Variants in ABHD12 observed in about 807,000 individuals in gnomAD.
The protein encoded by ABHD12 is lysophosphatidylserine lipase ABHD12.
A neutral mutation model predicts 58.3 loss-of-function variants in ABHD12; 43 were observed. The ratio of observed to expected loss-of-function variants is 0.74; its 90% CI spans 0.58 to 0.95. ABHD12 has a LOEUF of 0.95. Ranked by LOEUF, ABHD12 falls within the 40% of genes least tolerant of loss-of-function variation. The pLI, the probability that ABHD12 is intolerant of heterozygous loss-of-function variation, is 0.00. For missense variants in ABHD12, 539 were observed against 537.2 expected, an observed-to-expected ratio of 1.00 and a Z score of -0.03; for synonymous variants, 219 against 211.2, an observed-to-expected ratio of 1.04 and a Z score of -0.32.
chr20:25,360,402 G>A (rs1378688596), intron 1 of ABHD12, among the ~76,000 whole-genome samples: 5 of 151,288 alleles, frequency 3.3e-5, no homozygotes, highest in Admixed American at 1.3e-4. Context: ...CACCACGCCC[G>A]ACTAATTTTT....
intron 1 of ABHD12, among the ~76,000 whole-genome samples, chr20:25,351,760 G>A (rs1188568583): frequency 6.6e-6 from 1 of 152,076 alleles, no homozygotes. Context: ...AATTAGCAGG[G>A]GGTGGTGGCA....
At chr20:25,375,650 G>T (rs1171793850) in intron 1 of ABHD12, among the ~76,000 whole-genome samples, 1 of 152,156 alleles carries the variant, frequency 6.6e-6, no homozygotes, top group African/African-American at 2.4e-5. Context: ...GGGTACTGTA[G>T]GGCTCACTTC....
chr20:25,344,737 T>C (rs1430081255), intron 1 of ABHD12, among the ~76,000 whole-genome samples: 1 of 152,218 alleles, frequency 6.6e-6, no homozygotes, highest in African/African-American at 2.4e-5. Context: ...CTTGGAGGAC[T>C]GACACAAGCT....
Position 25,309,590 on chromosome 20 carries a change from C to T in ABHD12, c.620-15G>A, listed in dbSNP as rs1048603730. On this transcript the variant is annotated splice_polypyrimidine_tract_variant and intron_variant, in intron 6 of 12. Coordinates refer to ENST00000339157, the MANE Select transcript of ABHD12 (RefSeq NM_001042472.3). ...GTCACCCCAACCTGGGAGGGAGAAA[C>T]GGCAGGACGGGGAGGTCAAAGGCAG... 18 of 1,613,720 alleles carry T rather than the reference C, an allele frequency of 1.1e-5. No homozygotes were observed. The highest frequency in any genetic ancestry group is 6.7e-5 in the Admixed American group (4 of 60,002).
chr20:25,354,544 G>C (rs2089643476), intron 1 of ABHD12, among the ~76,000 whole-genome samples: 1 of 152,198 alleles, frequency 6.6e-6, no homozygotes, highest in African/African-American at 2.4e-5. Context: ...CAGATGAAAA[G>C]CTGAGGCTTG....
intron 1 of ABHD12, among the ~76,000 whole-genome samples, chr20:25,341,446 T>C (rs990779825): frequency 1.3e-5 from 2 of 152,202 alleles, no homozygotes; most frequent in Non-Finnish European, 2.9e-5. Context: ...TTAATCACAA[T>C]ATTGAGGTTC....
chr20:25,325,606 C>A (rs986601383), intron 2 of ABHD12, among the ~76,000 whole-genome samples: 12 of 152,136 alleles, frequency 7.9e-5, no homozygotes, highest in Non-Finnish European at 1.8e-4. Context: ...GGAAGCTTCT[C>A]CAAGCCGGGA....
intron 9 of ABHD12, 67 bp downstream of exon 9, chr20:25,307,899 G>A (rs143805685): frequency 2.0e-5 from 15 of 752,016 alleles, no homozygotes; most frequent in African/African-American, 1.1e-4. Context: ...AATGTATCCT[G>A]TAATTAGTTA....
intron 1 of ABHD12, among the ~76,000 whole-genome samples, chr20:25,341,125 G>T (rs1279414228): frequency 3.3e-5 from 5 of 152,214 alleles, no homozygotes; most frequent in Admixed American, 2.6e-4. Context: ...ATCATCGAGC[G>T]CCTGGCACTC....
rs2089894237 is a variant in ABHD12 at position 25,371,070 on chromosome 20, GA to G, written c.191+19442del. ...ATCATGAGCAAGCTGCAACTTACCA[GA>G]AGCTATTTCTGAAAGACACTGGGGA... On this transcript the variant is annotated intron_variant, in intron 1 of 12. Coordinates refer to ENST00000339157, the MANE Select transcript of ABHD12 (RefSeq NM_001042472.3). 1.3e-5 allele frequency among the ~76,000 whole-genome samples: 2 copies of G among 152,078 alleles called. 1 individual carries two copies. The highest frequency in any genetic ancestry group is 1.3e-4 in the Admixed American group (2 of 15,270).
chr20:25,387,858 T>C (rs1040831913), intron 1 of ABHD12, among the ~76,000 whole-genome samples: 1 of 151,880 alleles, frequency 6.6e-6, no homozygotes, highest in East Asian at 1.9e-4. Context: ...CTGGCCAACA[T>C]GGTGAAACCC....
chr20:25,390,477 G>GGGGGCCCCC lies in ABHD12; in HGVS notation c.191+35_191+36insGGGGGCCCC. ...CGCACCTGCGCAAAGTGAGGGACCG[G>GGGGGCCCCC]CCCCCCCCCCCCCCCCGCTCCGCGC... On this transcript the variant is annotated intron_variant, in intron 1 of 12. Transcript: ENST00000339157. The GGGGGCCCCC allele has an allele frequency of 1.9e-4, 20 of 102,824 alleles. No homozygotes were observed. In the East Asian group the frequency reaches 3.5e-3, roughly 18 times the overall value. The allele number at this position is 102,824 out of a possible 1,614,324, so 6.4% of individuals were successfully genotyped here.
intron 12 of ABHD12, chr20:25,295,033 G>C: frequency 6.2e-7 from 1 of 1,614,208 alleles, no homozygotes; most frequent in Non-Finnish European, 8.5e-7. Context: ...GCTGAGGTCT[G>C]TGATAAAGGA....
In ABHD12 at chr20:25,341,639, A is replaced by G. The variant is rs912094351; in HGVS notation, c.192-2288T>C. On this transcript the variant is annotated intron_variant, in intron 1 of 12. Coordinates refer to ENST00000339157, the MANE Select transcript of ABHD12 (RefSeq NM_001042472.3). ...ACACAGTAACACATGTAGACTGCAC[A>G]TGTGAGTCCTTGCACCAAACCTGCA... Among the ~76,000 whole-genome samples the G allele has an allele frequency of 3.3e-5, 5 of 152,288 alleles. No homozygotes were observed. The East Asian group carries it at 9.7e-4, about 29-fold the overall frequency.
At chr20:25,308,178 G>T (rs2088780804) in intron 8 of ABHD12, 133 bp from the exon 9 acceptor site, 1 of 776,210 alleles carries the variant, frequency 1.3e-6, no homozygotes, top group African/African-American at 1.7e-5. Flanking sequence ...ACCTCGGCAG[G>T]CCTCAGATAG....
At chr20:25,377,817 C>T (rs759594188) in intron 1 of ABHD12, among the ~76,000 whole-genome samples, 4 of 152,230 alleles carry the variant, frequency 2.6e-5, no homozygotes, top group Admixed American at 6.5e-5. Context: ...CCTGCCTCAG[C>T]CTCCCAAGTA....
chr20:25,307,269 G>A (rs181207027), intron 9 of ABHD12, among the ~76,000 whole-genome samples: 73 of 152,338 alleles, frequency 4.8e-4, no homozygotes, highest in Non-Finnish European at 1.0e-3. Context: ...CTGAGAAAGT[G>A]GGGTCTATGG....
At chr20:25,339,747 G>C in intron 1 of ABHD12, 1 of 1,326,658 alleles carries the variant, frequency 7.5e-7, no homozygotes, top group Non-Finnish European at 1.0e-6. Context: ...TCTTCTGTGA[G>C]ACAACTGCAG....
At chr20:25,328,378 G>A (rs2089211950) in intron 2 of ABHD12, among the ~76,000 whole-genome samples, 1 of 152,124 alleles carries the variant, frequency 6.6e-6, no homozygotes, top group Non-Finnish European at 1.5e-5. Flanking sequence ...ATACAACTCT[G>A]AATATCCACA....
Sources: gnomAD v4.1 joint callset for allele counts (sites outside exome capture counted in the v4.1 genomes callset) on GRCh38, gnomAD v4.1.1 for gene constraint, MANE v1.5 for transcripts, NCBI Gene and HGNC (gene_info 2026-07-23, HGNC 2026-07-21) for gene names.